TBCK: variants seen among roughly 807,000 people sequenced by gnomAD.
The protein encoded by TBCK is TBC domain-containing protein kinase-like protein.
TBCK carries 99 observed loss-of-function variants against 113.4 expected under a neutral mutation model. The observed-to-expected ratio is 0.87, with a 90% CI of 0.74 to 1.03. The LOEUF (loss-of-function observed/expected upper bound fraction) is 1.03. Among genes scored for constraint, TBCK ranks in the 50% least tolerant of loss-of-function variants. The pLI, the probability that TBCK is intolerant of heterozygous loss-of-function variation, is 0.00. For missense variants in TBCK, 1,045 were observed against 1,061.3 expected, an observed-to-expected ratio of 0.98 and a Z score of 0.21; for synonymous variants, 369 against 370.8, an observed-to-expected ratio of 1.00 and a Z score of 0.05.
chr4:106,244,321 A>G (rs1236905119), intron 11 of TBCK, among the ~76,000 whole-genome samples: 2 of 152,114 alleles, frequency 1.3e-5, no homozygotes, highest in African/African-American at 2.4e-5. Flanking sequence ...TGACTTGTGT[A>G]TTTTTCATTA....
chr4:106,054,118 G>A (rs945115411), intron 25 of TBCK, among the ~76,000 whole-genome samples: 1 of 151,572 alleles, frequency 6.6e-6, no homozygotes, highest in Admixed American at 6.6e-5. Context: ...CATTTTAACG[G>A]CCTGTAGCTT....
chr4:106,131,439 C>T (rs1745909373), intron 23 of TBCK, among the ~76,000 whole-genome samples: 1 of 152,138 alleles, frequency 6.6e-6, no homozygotes, highest in Middle Eastern at 3.2e-3. Flanking sequence ...ATGGAGAAAC[C>T]CCGTCTCTAC....
chr4:106,148,044 G>A (rs190641278), intron 23 of TBCK, among the ~76,000 whole-genome samples: 16 of 152,230 alleles, frequency 1.1e-4, no homozygotes, highest in East Asian at 7.7e-4. Flanking sequence ...CTCCCATAGC[G>A]CTCCCAGGCA....
chr4:106,174,711 ATAAT>A (rs1246215959), intron 22 of TBCK, among the ~76,000 whole-genome samples: 35 of 152,090 alleles, frequency 2.3e-4, no homozygotes, highest in African/African-American at 8.2e-4. Context: ...TTAATTTCTA[ATAAT>A]TTTGTCATTT....
chr4:106,089,056 G>A (rs1360934947), intron 25 of TBCK, among the ~76,000 whole-genome samples: 5 of 149,274 alleles, frequency 3.3e-5, no homozygotes, highest in Non-Finnish European at 5.9e-5. Flanking sequence ...TTTAATAGAA[G>A]AAATTAAAGA....
Position 106,089,774 on chromosome 4 carries a change from C to A in TBCK, c.2571+5708G>T, listed in dbSNP as rs1739989939. Among the ~76,000 whole-genome samples, 3 of 152,252 alleles carry A rather than the reference C, an allele frequency of 2.0e-5. No individual in the cohort carries two copies. In the South Asian group the frequency reaches 6.2e-4, roughly 32 times the overall value. Reference sequence around the variant, plus strand: ...TTAAATCTTAAAGCTCCAAAACAATCTCCTTTGACATGTCCTACATCCTGG... The same window carrying A: ...TTAAATCTTAAAGCTCCAAAACAATATCCTTTGACATGTCCTACATCCTGG... On this transcript the variant is annotated intron_variant, in intron 25 of 25. Coordinates refer to ENST00000394708, the MANE Select transcript of TBCK (RefSeq NM_001163435.3).
At chr4:106,117,738 G>T (rs56267034) in intron 23 of TBCK, among the ~76,000 whole-genome samples, 1 of 152,070 alleles carries the variant, frequency 6.6e-6, no homozygotes, top group Non-Finnish European at 1.5e-5. Flanking sequence ...GGCTGGGCGC[G>T]GTGGCTCACA....
At chr4:106,229,150 C>A (rs992367394) in intron 19 of TBCK, among the ~76,000 whole-genome samples, 2 of 151,892 alleles carry the variant, frequency 1.3e-5, no homozygotes, top group Non-Finnish European at 2.9e-5. Flanking sequence ...CTGTTAATCT[C>A]TTATCAGGTG....
At chr4:106,174,368 T>G (rs979960402) in intron 22 of TBCK, among the ~76,000 whole-genome samples, 4 of 152,146 alleles carry the variant, frequency 2.6e-5, no homozygotes, top group Admixed American at 6.6e-5. Flanking sequence ...TAATCTGCCC[T>G]TGACTGATAG....
intron 24 of TBCK, among the ~76,000 whole-genome samples, chr4:106,113,764 A>G (rs1311786661): frequency 6.6e-6 from 1 of 152,144 alleles, no homozygotes; most frequent in Non-Finnish European, 1.5e-5. Context: ...ACTCCAGATA[A>G]TTTGTTCCTT....
At chr4:106,280,495 C>A (rs1039359700) in intron 3 of TBCK, among the ~76,000 whole-genome samples, 1 of 152,106 alleles carries the variant, frequency 6.6e-6, no homozygotes, top group Non-Finnish European at 1.5e-5. Context: ...CACAGGAAAT[C>A]TTTGCCCAGA....
rs911578633 is a variant in TBCK, at chr4:106,171,091, A to C, written c.2235+4T>G. On this transcript the variant is annotated splice_donor_region_variant and intron_variant, in intron 23 of 25. Transcript: ENST00000394708. The stretch of plus-strand genomic sequence containing the variant: ...GTTTGTAAACTAAATCCGCAAATAC[A>C]TACCAGATCTGTCTTTGGAGGATCT... 12 of 1,583,042 alleles carry C rather than the reference A, an allele frequency of 7.6e-6. No individual in the cohort carries two copies. The highest frequency in any genetic ancestry group is 1.0e-5 in the Non-Finnish European group (12 of 1,168,366).
intron 19 of TBCK, chr4:106,213,239 T>G (rs1560830520): frequency 1.8e-5 from 3 of 164,356 alleles, no homozygotes; most frequent in Non-Finnish European, 3.9e-5. Context: ...TAATAATGTC[T>G]CAAATTTGTT....
intron 23 of TBCK, among the ~76,000 whole-genome samples, chr4:106,116,975 C>A: frequency 8.0e-6 from 1 of 125,302 alleles, no homozygotes; most frequent in East Asian, 2.0e-4. Context: ...TGAAATCATC[C>A]CCCCCCCATC....
chr4:106,065,085 A>G (rs1736485290), intron 25 of TBCK, among the ~76,000 whole-genome samples: 1 of 152,000 alleles, frequency 6.6e-6, no homozygotes, highest in Admixed American at 6.6e-5. Context: ...ACTAGGTAAC[A>G]TTTGATTAAT....
At chr4:106,134,251 G>C (rs374141230) in intron 23 of TBCK, among the ~76,000 whole-genome samples, 29 of 152,082 alleles carry the variant, frequency 1.9e-4, no homozygotes, top group African/African-American at 5.5e-4. Flanking sequence ...AATGACCACA[G>C]AGAGCCAGGT....
At chr4:106,229,581 A>C (rs1579323398) in intron 19 of TBCK, among the ~76,000 whole-genome samples, 1 of 151,854 alleles carries the variant, frequency 6.6e-6, no homozygotes, top group Non-Finnish European at 1.5e-5. Flanking sequence ...TGGGTTCTCT[A>C]TTCTGTTCTA....
intron 24 of TBCK, among the ~76,000 whole-genome samples, chr4:106,097,165 G>C (rs1157354102): frequency 6.6e-6 from 1 of 152,096 alleles, no homozygotes; most frequent in Non-Finnish European, 1.5e-5. Context: ...AAAAAATCTA[G>C]ATTAAATATT....
intron 5 of TBCK, among the ~76,000 whole-genome samples, chr4:106,256,250 G>T (rs1761972529): frequency 6.6e-6 from 1 of 152,132 alleles, no homozygotes; most frequent in South Asian, 2.1e-4. Flanking sequence ...CCAGGGACCT[G>T]CCCCCTTCTA....
Sources: gnomAD v4.1 joint callset for allele counts (sites outside exome capture counted in the v4.1 genomes callset) on GRCh38, gnomAD v4.1.1 for gene constraint, MANE v1.5 for transcripts, NCBI Gene and HGNC (gene_info 2026-07-23, HGNC 2026-07-21) for gene names.